The following FGF12 variants were observed in gnomAD, a reference collection of about 807,000 sequenced individuals.
The protein encoded by FGF12 is fibroblast growth factor 12, also known as fibroblast growth factor 12B.
In FGF12, 14 loss-of-function variants were observed where a neutral mutation model predicts 23.6. The ratio of observed to expected loss-of-function variants is 0.59; its 90% CI spans 0.39 to 0.93. FGF12 has a LOEUF of 0.93. Among genes scored for constraint, FGF12 ranks in the 40% least tolerant of loss-of-function variants. The probability of loss-of-function intolerance (pLI) is 0.00; values close to 1 mark genes in which losing one functional copy is unlikely to be tolerated. For missense variants in FGF12, 175 were observed against 217.8 expected, an observed-to-expected ratio of 0.80 and a Z score of 1.24; for synonymous variants, 62 against 77.3, an observed-to-expected ratio of 0.80 and a Z score of 1.04.
chr3:192,425,997 G>T (rs1169308843), intron 2 of FGF12, among the ~76,000 whole-genome samples: 4 of 152,150 alleles, frequency 2.6e-5, no homozygotes, highest in African/African-American at 9.7e-5. Context: ...GTTCATAGGT[G>T]TTACACTTAC....
chr3:192,310,830 C>T (rs1455829446), intron 4 of FGF12, among the ~76,000 whole-genome samples: 1 of 152,130 alleles, frequency 6.6e-6, no homozygotes, highest in Non-Finnish European at 1.5e-5. Context: ...GCATAGTAGT[C>T]TTCTGTGGTC....
intron 2 of FGF12, among the ~76,000 whole-genome samples, chr3:192,382,198 G>A (rs759241617): frequency 3.3e-5 from 5 of 151,980 alleles, no homozygotes; most frequent in African/African-American, 9.7e-5. Context: ...TGGTTTCCCC[G>A]TGTTAGCCAG....
chr3:192,689,836 C>A (rs1013539101), intron 2 of FGF12, among the ~76,000 whole-genome samples: 1 of 151,052 alleles, frequency 6.6e-6, no homozygotes, highest in Admixed American at 6.6e-5. Flanking sequence ...CAAATTCAAC[C>A]CAAAGAAGAG....
Position 192,439,976 on chromosome 3 carries a change from G to GAAAAAAAAAAAAAAAA in FGF12, c.14-79454_14-79439dup, listed in dbSNP as rs5855427. On this transcript the variant is annotated intron_variant, in intron 2 of 5. Transcript: ENST00000445105. ...AGGTGACAGAGCAAGACTCCATATG[G>GAAAAAAAAAAAAAAAA]AAAAAAAAAAAAAAAAGCATAATAT... Among the ~76,000 whole-genome samples, 46 of 114,122 alleles carry GAAAAAAAAAAAAAAAA rather than the reference G, an allele frequency of 4.0e-4. 1 individual carries two copies. Among genetic ancestry groups the GAAAAAAAAAAAAAAAA allele is most frequent in the African/African-American group, 1.5e-3 (45 of 30,116 alleles). 74.9% of individuals were successfully genotyped at this position (114,122 alleles called of 152,430 possible).
chr3:192,228,175 G>C (rs1718835960), intron 4 of FGF12, among the ~76,000 whole-genome samples: 1 of 151,776 alleles, frequency 6.6e-6, no homozygotes, highest in Admixed American at 6.6e-5. Context: ...AAAGTATATG[G>C]GTAGTTAATA....
chr3:192,312,425 C>A (rs1473671307), intron 4 of FGF12, among the ~76,000 whole-genome samples: 2 of 145,506 alleles, frequency 1.4e-5, no homozygotes, highest in East Asian at 4.0e-4. Flanking sequence ...TTTTTTTCTG[C>A]TACCATTCAG....
intron 2 of FGF12, among the ~76,000 whole-genome samples, chr3:192,713,076 A>AG (rs1718747896): frequency 1.3e-5 from 2 of 151,928 alleles, no homozygotes; most frequent in Admixed American, 1.3e-4. Flanking sequence ...TATCAACCAC[A>AG]GAAAAAAAAC....
At chr3:192,682,372 T>C (rs1372099046) in intron 2 of FGF12, among the ~76,000 whole-genome samples, 4 of 152,142 alleles carry the variant, frequency 2.6e-5, no homozygotes, top group African/African-American at 9.7e-5. Context: ...TCTGAGGTCT[T>C]GAGATAAGAA....
At chr3:192,597,627 C>G (rs1405568587) in intron 2 of FGF12, among the ~76,000 whole-genome samples, 1 of 152,152 alleles carries the variant, frequency 6.6e-6, no homozygotes. Flanking sequence ...GAACTGGGAA[C>G]AAATGGAAAG....
At chr3:192,456,694 A>C (rs903180262) in intron 2 of FGF12, among the ~76,000 whole-genome samples, 8 of 152,206 alleles carry the variant, frequency 5.3e-5, no homozygotes, top group African/African-American at 1.9e-4. Context: ...AACTCTTTGC[A>C]GATAAGGACT....
chr3:192,175,297 C>T (rs77333835), intron 4 of FGF12, among the ~76,000 whole-genome samples: 6,437 of 151,872 alleles, frequency 0.042, 195 homozygotes, highest in Admixed American at 0.056. Flanking sequence ...TTGTTTCTTT[C>T]GTAAGACTAA....
intron 3 of FGF12, among the ~76,000 whole-genome samples, chr3:192,350,671 G>C (rs1237568233): frequency 6.6e-5 from 10 of 152,116 alleles, no homozygotes; most frequent in African/African-American, 2.2e-4. Flanking sequence ...TGGTGTGTTT[G>C]AGGAACAGCA....
At chr3:192,649,216 C>T (rs1450719143) in intron 2 of FGF12, among the ~76,000 whole-genome samples, 1 of 152,098 alleles carries the variant, frequency 6.6e-6, no homozygotes, top group Non-Finnish European at 1.5e-5. Flanking sequence ...AGTGATTTCA[C>T]CTATCCCTTA....
chr3:192,236,944 T>C (rs1458378026), intron 4 of FGF12, among the ~76,000 whole-genome samples: 1 of 152,172 alleles, frequency 6.6e-6, no homozygotes, highest in Non-Finnish European at 1.5e-5. Context: ...GCTATGTACA[T>C]ATGTGTGTTT....
intron 4 of FGF12, among the ~76,000 whole-genome samples, chr3:192,185,770 A>G (rs535898792): frequency 1.3e-5 from 2 of 152,108 alleles, no homozygotes; most frequent in African/African-American, 4.8e-5. Flanking sequence ...TGAGGCAGAG[A>G]AATGCTTGAA....
At chr3:192,337,230 A>G (rs1206124171) in intron 3 of FGF12, among the ~76,000 whole-genome samples, 1 of 152,188 alleles carries the variant, frequency 6.6e-6, no homozygotes, top group African/African-American at 2.4e-5. Flanking sequence ...ATGTTACAGA[A>G]GTTCAGGAAA....
At chr3:192,492,610 T>C (rs1327115797) in intron 2 of FGF12, among the ~76,000 whole-genome samples, 1 of 152,178 alleles carries the variant, frequency 6.6e-6, no homozygotes, top group Non-Finnish European at 1.5e-5. Context: ...TAATTATTTT[T>C]ATAGTAGAAA....
chr3:192,162,834 ATTG>A (rs1474220224), intron 5 of FGF12, among the ~76,000 whole-genome samples: 2 of 151,982 alleles, frequency 1.3e-5, no homozygotes, highest in African/African-American at 2.4e-5. Context: ...TTTTGAAGGG[ATTG>A]TTATTTTCCT....
At chr3:192,197,345 T>C (rs902289653) in intron 4 of FGF12, among the ~76,000 whole-genome samples, 2 of 152,248 alleles carry the variant, frequency 1.3e-5, no homozygotes, top group Non-Finnish European at 1.5e-5. Flanking sequence ...AGATGTTTAA[T>C]ATTCAGTGTG....
Sources: allele counts gnomAD v4.1 joint callset (sites outside exome capture counted in the v4.1 genomes callset), GRCh38; gene constraint gnomAD v4.1.1; transcripts MANE v1.5; gene names NCBI Gene and HGNC (gene_info 2026-07-23, HGNC 2026-07-21).